FNBP1: variants seen among roughly 807,000 people sequenced by gnomAD.
FNBP1 encodes the protein formin-binding protein 1.
FNBP1 carries 26 observed loss-of-function variants against 90.6 expected under a neutral mutation model. The ratio of observed to expected loss-of-function variants is 0.29; its 90% CI spans 0.21 to 0.40. The LOEUF is 0.40. FNBP1 is among the 10% of genes least tolerant of loss of function. FNBP1 has a pLI of 1.00. For synonymous variants in FNBP1, 260 were observed against 265.2 expected (o/e 0.98, Z 0.19); for missense variants, 635 against 768.0 (o/e 0.83, Z 2.05).
intron 6 of FNBP1, among the ~76,000 whole-genome samples, chr9:129,941,627 A>G (rs2044338530): frequency 6.6e-6 from 1 of 152,068 alleles, no homozygotes; most frequent in Admixed American, 6.6e-5. Flanking sequence ...CAGCCTGCCC[A>G]GGTGACTTTT....
intron 10 of FNBP1, among the ~76,000 whole-genome samples, chr9:129,922,695 T>C (rs1252766888): frequency 6.6e-6 from 1 of 152,170 alleles, no homozygotes; most frequent in Admixed American, 6.6e-5. Context: ...CAACATCTTA[T>C]ATAATCTCAC....
At chr9:130,046,227 C>T (rs1316174091), upstream of FNBP1, among the ~76,000 whole-genome samples, 2 of 151,980 alleles carry the variant, frequency 1.3e-5, no homozygotes, top group Admixed American at 6.6e-5. Flanking sequence ...GGACTGGTCA[C>T]CATAAAGACC....
At chr9:130,018,553 GTATTTATTTATT>G (rs375132451) in intron 1 of FNBP1, among the ~76,000 whole-genome samples, 26 of 151,428 alleles carry the variant, frequency 1.7e-4, no homozygotes, top group Admixed American at 4.0e-4. Context: ...ACTCATTTGG[GTATTTATTTATT>G]TATTTATTTA....
chr9:130,027,791 T>C (rs1254942200), intron 1 of FNBP1, among the ~76,000 whole-genome samples: 1 of 152,154 alleles, frequency 6.6e-6, no homozygotes, highest in Non-Finnish European at 1.5e-5. Context: ...GGAACCTCTA[T>C]GGTTGGCTTC....
chr9:130,030,851 G>A (rs1415063357), intron 1 of FNBP1, among the ~76,000 whole-genome samples: 2 of 152,168 alleles, frequency 1.3e-5, no homozygotes, highest in East Asian at 3.9e-4. Flanking sequence ...TAAGAAATTT[G>A]CTAGCTTAAA....
At chr9:129,961,653 T>C (rs906689799) in intron 4 of FNBP1, among the ~76,000 whole-genome samples, 2 of 152,104 alleles carry the variant, frequency 1.3e-5, no homozygotes, top group Admixed American at 6.6e-5. Context: ...CTGAGACCTC[T>C]GCCTCCCTGT....
chr9:129,900,197 C>A lies in FNBP1; in HGVS notation c.1551-96G>T. 2 of 1,363,532 alleles carry A rather than the reference C, an allele frequency of 1.5e-6. No homozygotes were observed. Among genetic ancestry groups the A allele is most frequent in the African/African-American group, 1.5e-5 (1 of 67,962 alleles). 84.5% of individuals were successfully genotyped at this position (1,363,532 alleles called of 1,614,324 possible). A position where few individuals can be genotyped will look rare whatever the true frequency, so the allele number is the denominator to read the frequency against. ...CGACTGGAGAGCACTTGCAACCCCG[C>A]CCCTCAGCGAGTGCTGTAACTGAGG... On this transcript the variant is annotated intron_variant, in intron 14 of 16. Coordinates refer to ENST00000446176, the MANE Select transcript of FNBP1 (RefSeq NM_015033.3). The surrounding 1 kb of genome is among the most constrained non-coding windows in gnomAD (Gnocchi z 4.1).
At chr9:129,991,894 C>T (rs988124047) in intron 2 of FNBP1, among the ~76,000 whole-genome samples, 2 of 151,888 alleles carry the variant, frequency 1.3e-5, no homozygotes, top group Admixed American at 6.6e-5. Flanking sequence ...CTCCTGACTT[C>T]GTGATCCGCC....
rs1188001831 is a variant in FNBP1, at chr9:129,940,915, A to G, written c.514-11220T>C. ...GCTGAGATTACAGGCGTGAGCCACCACACTGAGTTTTCATATATTTATGAA... is the reference window on the plus strand; with the variant it reads ...GCTGAGATTACAGGCGTGAGCCACCGCACTGAGTTTTCATATATTTATGAA... On this transcript the variant is annotated intron_variant, in intron 6 of 16. Transcript: ENST00000446176. Among the ~76,000 whole-genome samples, 4 of 151,470 alleles carry G rather than the reference A, an allele frequency of 2.6e-5. No individual in the cohort carries two copies. In the East Asian group the frequency reaches 7.9e-4, roughly 30 times the overall value.
At chr9:130,027,711 G>A (rs548778629) in intron 1 of FNBP1, among the ~76,000 whole-genome samples, 139 of 152,162 alleles carry the variant, frequency 9.1e-4, no homozygotes, top group Middle Eastern at 3.4e-3. Context: ...GAATCATCTG[G>A]AAGCCCTTCA....
intron 1 of FNBP1, among the ~76,000 whole-genome samples, chr9:130,007,169 G>T (rs1423378785): frequency 6.7e-6 from 1 of 148,492 alleles, no homozygotes; most frequent in Non-Finnish European, 1.5e-5. Flanking sequence ...TTGAGCCTGG[G>T]AGGTCAAGGC....
intron 6 of FNBP1, among the ~76,000 whole-genome samples, chr9:129,943,467 A>G (rs1588731889): frequency 7.4e-6 from 1 of 134,880 alleles, no homozygotes; most frequent in South Asian, 2.3e-4. Context: ...GCTCACTGCA[A>G]CCTTTGCCTC....
rs71385491 is a variant in FNBP1, at chr9:129,948,356, C to CTTTTTTTTTTTTTTTTTTT, written c.513+8985_513+9003dup. Reference sequence around the variant, plus strand: ...TCATACAAAACACCTATTTTGGTGTCTTTTTTTTTTTTTTTTTTTTTTTTT... The same window carrying CTTTTTTTTTTTTTTTTTTT: ...TCATACAAAACACCTATTTTGGTGTCTTTTTTTTTTTTTTTTTTTTTTTTTTTTTTTTTTTTTTTTTTTT... On this transcript the variant is annotated intron_variant, in intron 6 of 16. Transcript: ENST00000446176. 8.4e-4 allele frequency among the ~76,000 whole-genome samples: 54 copies of CTTTTTTTTTTTTTTTTTTT among 64,480 alleles called. 3 individuals carry two copies. Among genetic ancestry groups the CTTTTTTTTTTTTTTTTTTT allele is most frequent in the African/African-American group, 1.1e-3 (15 of 14,224 alleles). 42.3% of individuals were successfully genotyped at this position (64,480 alleles called of 152,430 possible). A position where few individuals can be genotyped will look rare whatever the true frequency, so the allele number is the denominator to read the frequency against.
At chr9:129,909,936 C>A (rs989847821) in intron 11 of FNBP1, among the ~76,000 whole-genome samples, 2 of 152,202 alleles carry the variant, frequency 1.3e-5, no homozygotes, top group African/African-American at 4.8e-5. Context: ...AGAGAGAATG[C>A]CCTCCCTGAC....
rs191916373 is a variant in FNBP1 at position 130,016,684 on chromosome 9, G to A, written c.25-21726C>T. Among the ~76,000 whole-genome samples the A allele has an allele frequency of 1.9e-3, 290 of 152,122 alleles. 1 individual carries two copies. The highest frequency in any genetic ancestry group is 6.3e-3 in the African/African-American group (263 of 41,500). On this transcript the variant is annotated intron_variant, in intron 1 of 16. Transcript: ENST00000446176. Reference sequence around the variant, plus strand: ...CTTGAACCTGGGAGGAGGAGGTTGCGGTGAGCCAAGATCTCGCCATTGCAC... The same window carrying A: ...CTTGAACCTGGGAGGAGGAGGTTGCAGTGAGCCAAGATCTCGCCATTGCAC...
chr9:129,912,507 G>A (rs1422333876), intron 11 of FNBP1, among the ~76,000 whole-genome samples: 1 of 151,950 alleles, frequency 6.6e-6, no homozygotes, highest in African/African-American at 2.4e-5. Flanking sequence ...TGACCAACAT[G>A]GAAAAACCCC....
At chr9:129,906,905 T>G (rs2038169249) in intron 12 of FNBP1, among the ~76,000 whole-genome samples, 1 of 151,942 alleles carries the variant, frequency 6.6e-6, no homozygotes, top group Non-Finnish European at 1.5e-5. Flanking sequence ...TCAGCCTCCC[T>G]AGTAGCTGGG....
At chr9:130,032,782 A>C (rs623798) in intron 1 of FNBP1, among the ~76,000 whole-genome samples, 1 of 151,988 alleles carries the variant, frequency 6.6e-6, no homozygotes, top group Admixed American at 6.6e-5. Flanking sequence ...AAGAAAATTA[A>C]TTCCCCCTAG....
intron 12 of FNBP1, among the ~76,000 whole-genome samples, chr9:129,908,065 C>A (rs1048155062): frequency 6.8e-4 from 103 of 151,946 alleles, no homozygotes; most frequent in Non-Finnish European, 2.1e-4. Flanking sequence ...CTGCAGCCTC[C>A]ACCTCCCAGG....
Sources: allele counts gnomAD v4.1 joint callset (sites outside exome capture counted in the v4.1 genomes callset), GRCh38; gene constraint gnomAD v4.1.1; non-coding constraint Gnocchi (gnomAD v3.1); transcripts MANE v1.5; gene names NCBI Gene and HGNC (gene_info 2026-07-23, HGNC 2026-07-21).